Variants in OR2J2 observed in about 807,000 individuals in gnomAD.
The protein encoded by OR2J2 is olfactory receptor family 2 subfamily J member 2.
In OR2J2, 13 loss-of-function variants were observed where a neutral mutation model predicts 16.9. The ratio of observed to expected loss-of-function variants is 0.77; its 90% CI spans 0.50 to 1.23. The LOEUF (loss-of-function observed/expected upper bound fraction) is 1.23. OR2J2 is among the 50% of genes most tolerant of loss of function. The pLI is 0.00. For synonymous variants in OR2J2, 125 were observed against 141.2 expected (o/e 0.89, Z 0.81); for missense variants, 341 against 379.1 (o/e 0.90, Z 0.84).
chr6:29,171,620 C>T (rs901606819), intron 1 of OR2J2, among the ~76,000 whole-genome samples: 12 of 151,718 alleles, frequency 7.9e-5, no homozygotes, highest in South Asian at 2.1e-4. Flanking sequence ...TTATCAACTC[C>T]GGAGGAATGC....
rs1765461837 is a variant in OR2J2, at chr6:29,171,125, G to A, written c.-18+20G>A. The A allele has an allele frequency of 6.6e-6, 1 of 152,042 alleles. No homozygotes were observed. Among genetic ancestry groups the A allele is most frequent in the African/African-American group, 2.4e-5 (1 of 41,406 alleles). 9.4% of individuals were successfully genotyped at this position (152,042 alleles called of 1,614,324 possible). ...AGGAAGGTCAGTACTGAAAGAAGTT[G>A]GTGCACTTCTTAAGGGGTAGACAGC... On this transcript the variant is annotated intron_variant, in intron 1 of 1. Transcript: ENST00000641417.
chr6:29,174,140 C>G lies in OR2J2; in HGVS notation c.505C>G (p.Leu169Val). 1 of 1,613,708 alleles carries G rather than the reference C, an allele frequency of 6.2e-7. No homozygotes were observed. The change falls in exon 2 of 2, where the codon CTT (leucine) becomes GTT (valine). Residue 169 changes from leucine (L) to valine (V), a missense_variant. Coordinates refer to ENST00000641417, the MANE Select transcript of OR2J2 (RefSeq NM_030905.3). The part of the protein sequence containing the change: ...LHSSFTFWVP[L>V]CGHRLVDHFF... ...TTCCTCCTTTACTTTCTGGGTACCCCTTTGTGGACATCGCCTAGTGGATCA... is the reference window on the plus strand; with the variant it reads ...TTCCTCCTTTACTTTCTGGGTACCCGTTTGTGGACATCGCCTAGTGGATCA...
rs1386239433 is a variant in OR2J2 at position 29,173,639 on chromosome 6, A to G, written c.4A>G (p.Met2Val). The G allele has an allele frequency of 6.3e-7, 1 of 1,594,442 alleles. No homozygotes were observed. Among genetic ancestry groups the G allele is most frequent in the Non-Finnish European group, 8.5e-7 (1 of 1,171,298 alleles). Residue 2 changes from methionine (M) to valine (V), a missense_variant, in exon 2 of 2, where the codon ATG becomes GTG. Transcript: ENST00000641417. MMIKKNASSEDF... is the reference protein window; with the variant it reads MVIKKNASSEDF... ...TTTAGGTATAAGAAAAAGATGAATG[A>G]TGATTAAAAAAAATGCAAGTTCGGA...
Position 29,174,497 on chromosome 6 carries a change from C to T in OR2J2, c.862C>T (p.Pro288Ser). Residue 288 changes from proline (P) to serine (S), a missense_variant, in exon 2 of 2, where the codon CCT becomes TCT. Physicochemically the swap from Pro to Ser is moderately conservative, Grantham distance 74. Transcript: ENST00000641417. ...TACTGTTGTCACACCGAGTCTTAAT[C>T]CTCTAATCTACACTCTCAGAAACAA... ...FYTVVTPSLNPLIYTLRNKHV... is the reference protein window; with the variant it reads ...FYTVVTPSLNSLIYTLRNKHV... 1 of 1,613,516 alleles carries T rather than the reference C, an allele frequency of 6.2e-7. No individual in the cohort carries two copies. Among genetic ancestry groups the T allele is most frequent in the Non-Finnish European group, 8.5e-7 (1 of 1,179,874 alleles).
rs912279535 is a variant in OR2J2, at chr6:29,175,089, T to C, written c.*515T>C. Reference sequence around the variant, plus strand: ...TAAAGGATATATCATAAGTATTTGGTTGAAAGACACTTTTTAAAGACACTA... The same window carrying C: ...TAAAGGATATATCATAAGTATTTGGCTGAAAGACACTTTTTAAAGACACTA... On this transcript the variant is annotated 3_prime_UTR_variant, in exon 2 of 2. Transcript: ENST00000641417. The C allele has an allele frequency of 6.6e-6, 1 of 152,658 alleles. No individual in the cohort carries two copies. Among genetic ancestry groups the C allele is most frequent in the Non-Finnish European group, 1.5e-5 (1 of 68,390 alleles). The allele number at this position is 152,658 out of a possible 1,614,324, so 9.5% of individuals were successfully genotyped here. A position where few individuals can be genotyped will look rare whatever the true frequency, so the allele number is the denominator to read the frequency against.
chr6:29,172,184 C>T (rs1765530160), intron 1 of OR2J2, among the ~76,000 whole-genome samples: 1 of 152,062 alleles, frequency 6.6e-6, no homozygotes, highest in Admixed American at 6.6e-5. Flanking sequence ...TCCAGAGTAG[C>T]TGGTATTACA....
At chr6:29,172,621 G>A (rs186181103) in intron 1 of OR2J2, among the ~76,000 whole-genome samples, 1 of 152,122 alleles carries the variant, frequency 6.6e-6, no homozygotes, top group Admixed American at 6.6e-5. Flanking sequence ...TGAATTTTCT[G>A]GATTTTATAC....
chr6:29,171,505 G>A (rs1340232556), intron 1 of OR2J2, among the ~76,000 whole-genome samples: 2 of 151,980 alleles, frequency 1.3e-5, no homozygotes, highest in Non-Finnish European at 2.9e-5. Context: ...AGCTACATTT[G>A]ATAGGGTCTT....
intron 1 of OR2J2, among the ~76,000 whole-genome samples, chr6:29,172,375 CAG>C (rs1443906770): frequency 1.3e-5 from 2 of 151,992 alleles, no homozygotes; most frequent in African/African-American, 4.8e-5. Flanking sequence ...CCAAATTTAT[CAG>C]AGAGTATAAG....
chr6:29,174,975 T>C lies in OR2J2; in HGVS notation c.*401T>C, dbSNP rs181873335. The C allele has an allele frequency of 2.4e-4, 40 of 166,718 alleles. No individual in the cohort carries two copies. The East Asian group carries it at 6.1e-3, about 26-fold the overall frequency. 10.3% of individuals were successfully genotyped at this position (166,718 alleles called of 1,614,324 possible). The stretch of plus-strand genomic sequence containing the variant: ...CAAAGACTTAGGCTAAAAAGGTTTT[T>C]GGTTATTGAATAAACCTTAAATGAA... On this transcript the variant is annotated 3_prime_UTR_variant, in exon 2 of 2. Transcript: ENST00000641417.
rs1765818042 is a variant in OR2J2 at position 29,175,630 on chromosome 6, A to G, written c.*1056A>G. ...CCATCTCTACTAAAAATACAAAACAATTAGCTAGGCATGGTGGCACATGCC... is the reference window on the plus strand; with the variant it reads ...CCATCTCTACTAAAAATACAAAACAGTTAGCTAGGCATGGTGGCACATGCC... On this transcript the variant is annotated 3_prime_UTR_variant, in exon 2 of 2. Coordinates refer to ENST00000641417, the MANE Select transcript of OR2J2 (RefSeq NM_030905.3). 1 of 152,040 alleles carries G rather than the reference A, an allele frequency of 6.6e-6. No homozygotes were observed. The allele number at this position is 152,040 out of a possible 1,614,324, so 9.4% of individuals were successfully genotyped here. A position where few individuals can be genotyped will look rare whatever the true frequency, so the allele number is the denominator to read the frequency against.
chr6:29,175,748 C>G lies in OR2J2; in HGVS notation c.*1174C>G, dbSNP rs151226021. ...AATATTTTCAACATATTATTTCATC[C>G]GTATGTAAAATTATTGGGATTGCAA... On this transcript the variant is annotated 3_prime_UTR_variant, in exon 2 of 2. Transcript: ENST00000641417. 5.9e-5 allele frequency: 9 copies of G among 151,856 alleles called. No homozygotes were observed. Among genetic ancestry groups the G allele is most frequent in the Non-Finnish European group, 1.2e-4 (8 of 67,984 alleles). The allele number at this position is 151,856 out of a possible 1,614,324, so 9.4% of individuals were successfully genotyped here. A position where few individuals can be genotyped will look rare whatever the true frequency, so the allele number is the denominator to read the frequency against.
chr6:29,173,197 A>T (rs1004741152), intron 1 of OR2J2: 1 of 156,174 alleles, frequency 6.4e-6, no homozygotes, highest in African/African-American at 2.4e-5. Flanking sequence ...GTGACTATCT[A>T]ATTGCTTTTT....
At position 29,174,089 on chromosome 6, in the gene OR2J2, A is replaced by G; in HGVS notation, c.454A>G (p.Ile152Val). 6.2e-7 allele frequency: 1 copy of G among 1,613,076 alleles called. No homozygotes were observed. Among genetic ancestry groups the G allele is most frequent in the Non-Finnish European group, 8.5e-7 (1 of 1,179,780 alleles). Residue 152 changes from isoleucine (I) to valine (V), a missense_variant, in exon 2 of 2, where the codon ATT (isoleucine) becomes GTT (valine). By Grantham distance (29) the Ile-to-Val change is conservative. Coordinates refer to ENST00000641417, the MANE Select transcript of OR2J2 (RefSeq NM_030905.3). Reference sequence around the variant, plus strand: ...CTTGTTGGTTGCGGCTTCTTGGGTAATTGGTTTTACTATCTCAGCACTTCA... The same window carrying G: ...CTTGTTGGTTGCGGCTTCTTGGGTAGTTGGTTTTACTATCTCAGCACTTCA... Reference protein sequence around the residue: ...CHLLVAASWVIGFTISALHSS... With the variant: ...CHLLVAASWVVGFTISALHSS...
At chr6:29,172,275 C>T (rs1765540500) in intron 1 of OR2J2, among the ~76,000 whole-genome samples, 2 of 152,044 alleles carry the variant, frequency 1.3e-5, no homozygotes, top group Non-Finnish European at 2.9e-5. Context: ...TCAGGCTGGT[C>T]TCAAACTCCT....
chr6:29,174,846 T>C lies in OR2J2; in HGVS notation c.*272T>C. 1 of 398,142 alleles carries C rather than the reference T, an allele frequency of 2.5e-6. No individual in the cohort carries two copies. Among genetic ancestry groups the C allele is most frequent in the Non-Finnish European group, 4.4e-6 (1 of 225,442 alleles). The allele number at this position is 398,142 out of a possible 1,614,324, so 24.7% of individuals were successfully genotyped here. The stretch of plus-strand genomic sequence containing the variant: ...TGGTTTCAACGTAAATAAATGTGCA[T>C]GCGAATAGTTATGAGGAGATTATTT... On this transcript the variant is annotated 3_prime_UTR_variant, in exon 2 of 2. Coordinates refer to ENST00000641417, the MANE Select transcript of OR2J2 (RefSeq NM_030905.3).
chr6:29,172,622 G>C (rs1222167497), intron 1 of OR2J2, among the ~76,000 whole-genome samples: 4 of 151,988 alleles, frequency 2.6e-5, no homozygotes, highest in Non-Finnish European at 5.9e-5. Context: ...GAATTTTCTG[G>C]ATTTTATACA....
intron 1 of OR2J2, among the ~76,000 whole-genome samples, chr6:29,171,482 T>C (rs1167438093): frequency 3.9e-5 from 6 of 152,120 alleles, no homozygotes; most frequent in East Asian, 3.9e-4. Flanking sequence ...TATTTTATTC[T>C]ACAACTCATA....
At chr6:29,172,362 T>C (rs1269580001) in intron 1 of OR2J2, among the ~76,000 whole-genome samples, 1 of 152,068 alleles carries the variant, frequency 6.6e-6, no homozygotes, top group African/African-American at 2.4e-5. Flanking sequence ...CTGGCCTCTT[T>C]TGCCAAATTT....
Sources: allele counts gnomAD v4.1 joint callset (sites outside exome capture counted in the v4.1 genomes callset), GRCh38; gene constraint gnomAD v4.1.1; transcripts MANE v1.5; gene names NCBI Gene and HGNC (gene_info 2026-07-23, HGNC 2026-07-21).